The following RTEL1 variants were observed in gnomAD, a reference collection of about 807,000 sequenced individuals.
RTEL1 encodes regulator of telomere elongation helicase 1.
Under a neutral mutation model 162.2 loss-of-function variants are expected in RTEL1, and 86 were observed. The observed-to-expected ratio is 0.53, with a 90% CI of 0.45 to 0.63. The LOEUF is 0.63. Ranked by LOEUF, RTEL1 falls within the 30% of genes least tolerant of loss-of-function variation. RTEL1 has a pLI of 0.00. For missense variants in RTEL1, 1,941 were observed against 1,750.2 expected, an observed-to-expected ratio of 1.11 and a Z score of -1.95; for synonymous variants, 958 against 717.9, an observed-to-expected ratio of 1.33 and a Z score of -5.35.
At position 63,688,889 on chromosome 20, in the gene RTEL1, G is replaced by A. The variant is rs6062492; in HGVS notation, c.1801-166G>A. 85,224 of 728,140 alleles carry A rather than the reference G, an allele frequency of 0.12. 5,987 individuals are homozygous for A. The highest frequency in any genetic ancestry group is 0.28 in the Admixed American group (12,446 of 44,504). The allele number at this position is 728,140 out of a possible 1,614,324, so 45.1% of individuals were successfully genotyped here. On this transcript the variant is annotated intron_variant, in intron 21 of 34. Transcript: ENST00000360203. ...GTTTTCTGGGAAGCACTGAGCAGGCGTGGGGTCAGCCTGGGATCCGTGCCA... is the reference window on the plus strand; with the variant it reads ...GTTTTCTGGGAAGCACTGAGCAGGCATGGGGTCAGCCTGGGATCCGTGCCA...
chr20:63,665,109 A>AGTGTGTGTGTGTGTGT (rs112246475), intron 6 of RTEL1: 3 of 153,432 alleles, frequency 2.0e-5, no homozygotes, highest in African/African-American at 7.3e-5. Flanking sequence ...GGTGTGTGTG[A>AGTGTGTGTGTGTGTGT]GTGTGTGTGT....
chr20:63,689,260 C>A, intron 22 of RTEL1, 128 bp downstream of exon 22: 1 of 961,562 alleles, frequency 1.0e-6, no homozygotes, highest in Non-Finnish European at 1.5e-6. Context: ...AGAGCGACTG[C>A]TGGCCCTGCT....
intron 10 of RTEL1, among the ~76,000 whole-genome samples, chr20:63,675,878 C>T (rs2146203652): frequency 6.6e-6 from 1 of 152,196 alleles, no homozygotes; most frequent in Non-Finnish European, 1.5e-5. Context: ...CATTTCATCG[C>T]TTACATAACG....
chr20:63,693,717 ACCTGCACCACCACCT>A (rs2090879847), intron 30 of RTEL1, among the ~76,000 whole-genome samples: 4 of 6,100 alleles, frequency 6.6e-4, no homozygotes, highest in East Asian at 1.4e-3. Flanking sequence ...CACCACCACC[ACCTGCACCACCACCT>A]CCACCTCCAC....
Position 63,693,165 on chromosome 20 carries a change from C to A in RTEL1, c.2874C>A (p.Pro958=), listed in dbSNP as rs369953611. The A allele has an allele frequency of 1.7e-4, 282 of 1,612,078 alleles. No homozygotes were observed. The highest frequency in any genetic ancestry group is 2.2e-4 in the Non-Finnish European group (262 of 1,179,586). The change falls in exon 30 of 35, where the codon CCC becomes CCA. Residue 958 remains proline (P), a synonymous_variant. Coordinates refer to ENST00000360203, the MANE Select transcript of RTEL1 (RefSeq NM_001283009.2). The part of the protein sequence containing the change: ...LLQGFYQFVR[P]HHKQQFEEVC... Reference sequence around the variant, plus strand: ...CAGGCTTCTACCAGTTTGTGCGGCCCCACCATAAGCAGCAGTTTGAGGAGG... The same window carrying A: ...CAGGCTTCTACCAGTTTGTGCGGCCACACCATAAGCAGCAGTTTGAGGAGG...
Position 63,662,883 on chromosome 20 carries a change from G to A in RTEL1, c.532G>A (p.Val178Ile), listed in dbSNP as rs184051277. The change falls in exon 6 of 35, where the codon GTA becomes ATA. Residue 178 changes from valine (V) to isoleucine (I), a missense_variant. By Grantham distance (29) the Val-to-Ile change is conservative (BLOSUM62 3). Transcript: ENST00000360203. ...ASRSCHFYNN[V>I]EEKSLEQELA... ...TCGCTCCTGTCATTTCTACAACAACGTAGAAGGTACAAGCAGCTGGGTGGG... is the reference window on the plus strand; with the variant it reads ...TCGCTCCTGTCATTTCTACAACAACATAGAAGGTACAAGCAGCTGGGTGGG... 31 of 1,613,966 alleles carry A rather than the reference G, an allele frequency of 1.9e-5. No individual in the cohort carries two copies. The East Asian group carries it at 3.1e-4, about 16-fold the overall frequency.
At chr20:63,692,536 T>A in intron 28 of RTEL1, 1 of 538,868 alleles carries the variant, frequency 1.9e-6, no homozygotes, top group Non-Finnish European at 3.4e-6. Context: ...GACCCCTGGC[T>A]TGAGGCAGAG....
At chr20:63,677,173 A>AG (rs2146208086) in intron 10 of RTEL1, among the ~76,000 whole-genome samples, 1 of 152,318 alleles carries the variant, frequency 6.6e-6, no homozygotes, top group African/African-American at 2.4e-5. Context: ...GTCTCCAAGA[A>AG]GCCCTGCTTT....
In RTEL1 at chr20:63,691,852, C is replaced by G. The variant is rs781262242; in HGVS notation, c.2652+15C>G. Reference sequence around the variant, plus strand: ...TCAGCCACCCGGTGCGTGAGCTGTCCCTGCACCTGTGCCGACCACCATAGA... The same window carrying G: ...TCAGCCACCCGGTGCGTGAGCTGTCGCTGCACCTGTGCCGACCACCATAGA... On this transcript the variant is annotated intron_variant, in intron 28 of 34. Coordinates refer to ENST00000360203, the MANE Select transcript of RTEL1 (RefSeq NM_001283009.2). 4 of 1,602,594 alleles carry G rather than the reference C, an allele frequency of 2.5e-6. No individual in the cohort carries two copies. Among genetic ancestry groups the G allele is most frequent in the South Asian group, 1.1e-5 (1 of 90,972 alleles).
intron 21 of RTEL1, 81 bp from the exon 22 acceptor site, chr20:63,688,974 C>A: frequency 8.2e-7 from 1 of 1,225,980 alleles, no homozygotes. Context: ...CATCTTGGAG[C>A]ATGAGACCTG....
chr20:63,671,117 G>A (rs1353216902), intron 8 of RTEL1, among the ~76,000 whole-genome samples: 1 of 152,228 alleles, frequency 6.6e-6, no homozygotes, highest in Non-Finnish European at 1.5e-5. Context: ...CTGGAGTGCA[G>A]TGGTGTGGTC....
chr20:63,682,325 A>G lies in RTEL1; in HGVS notation c.1191+1606A>G, dbSNP rs13042353. The G allele has an allele frequency of 1.5e-4, 147 of 977,862 alleles. No individual in the cohort carries two copies. The African/African-American group carries it at 2.6e-3, about 17-fold the overall frequency. 60.6% of individuals were successfully genotyped at this position (977,862 alleles called of 1,614,324 possible). A position where few individuals can be genotyped will look rare whatever the true frequency, so the allele number is the denominator to read the frequency against. ...GAGAAGACTCCACACTCTGGAACCGAATCCTGGAACGCGGCCTCCCAGGCC... is the reference window on the plus strand; with the variant it reads ...GAGAAGACTCCACACTCTGGAACCGGATCCTGGAACGCGGCCTCCCAGGCC... On this transcript the variant is annotated intron_variant, in intron 14 of 34. Transcript: ENST00000360203.
At chr20:63,691,869 C>G (rs745531770) in intron 28 of RTEL1, 32 bp downstream of exon 28, 2 of 1,571,224 alleles carry the variant, frequency 1.3e-6, no homozygotes, top group Non-Finnish European at 1.7e-6. Flanking sequence ...CTGTGCCGAC[C>G]ACCATAGACA....
chr20:63,687,607 T>A, intron 16 of RTEL1, 31 bp from the exon 17 acceptor site: 2 of 1,581,028 alleles, frequency 1.3e-6, no homozygotes, highest in Non-Finnish European at 1.7e-6. Context: ...GTCCTCACAC[T>A]CTGTGCCCTC....
intron 14 of RTEL1, chr20:63,681,741 GC>G (rs2090481531): frequency 1.0e-6 from 1 of 985,238 alleles, no homozygotes; most frequent in Non-Finnish European, 1.2e-6. Flanking sequence ...CCCAGGCTCA[GC>G]CCTCCCTCCA....
chr20:63,691,866 G>T, intron 28 of RTEL1, 29 bp downstream of exon 28: 2 of 1,575,360 alleles, frequency 1.3e-6, no homozygotes, highest in South Asian at 2.2e-5. Context: ...CACCTGTGCC[G>T]ACCACCATAG....
chr20:63,693,012 G>C lies in RTEL1; in HGVS notation c.2851+9G>C, dbSNP rs778092060. 16 of 1,612,102 alleles carry C rather than the reference G, an allele frequency of 9.9e-6. No homozygotes were observed. Among genetic ancestry groups the C allele is most frequent in the African/African-American group, 1.3e-5 (1 of 74,918 alleles). On this transcript the variant is annotated intron_variant, in intron 29 of 34. Transcript: ENST00000360203. ...GCACAACCTGCTCCAAGGTGCCCTG[G>C]CTTGCAGAGGCCACCCACCCTGAGG...
chr20:63,690,023 C>G (rs563927680), intron 24 of RTEL1, 64 bp from the exon 25 acceptor site: 41 of 1,582,228 alleles, frequency 2.6e-5, no homozygotes, highest in East Asian at 2.0e-4. Context: ...AGGGTCTTCA[C>G]TTCGGTGAAC....
At chr20:63,673,610 T>C (rs960141989) in intron 9 of RTEL1, among the ~76,000 whole-genome samples, 3 of 151,860 alleles carry the variant, frequency 2.0e-5, no homozygotes, top group African/African-American at 7.3e-5. Flanking sequence ...GGCTAATTTT[T>C]GTATTTTTTG....
Sources: allele counts gnomAD v4.1 joint callset (sites outside exome capture counted in the v4.1 genomes callset), GRCh38; gene constraint gnomAD v4.1.1; transcripts MANE v1.5; gene names NCBI Gene and HGNC (gene_info 2026-07-23, HGNC 2026-07-21).